PON1: variants seen among roughly 807,000 people sequenced by gnomAD.
PON1 encodes paraoxonase 1, also known as serum paraoxonase/arylesterase 1.
A neutral mutation model predicts 39.2 loss-of-function variants in PON1; 37 were observed. The observed-to-expected ratio is 0.94, with a 90% confidence interval of 0.73 to 1.24. The LOEUF (loss-of-function observed/expected upper bound fraction) is 1.24, where lower values mean the gene tolerates loss of function less well. PON1 is among the 50% of genes most tolerant of loss of function. The pLI, the probability that PON1 is intolerant of heterozygous loss-of-function variation, is 0.00. For synonymous variants in PON1, 148 were observed against 152.2 expected (o/e 0.97, Z 0.21); for missense variants, 397 against 413.5 (o/e 0.96, Z 0.35).
At position 95,297,790 on chromosome 7, in the gene PON1, TCAAAAACAAAA is replaced by T. The variant is rs1433776054; in HGVS notation, c.*1143_*1153del. On this transcript the variant is annotated 3_prime_UTR_variant, in exon 9 of 9. Coordinates refer to ENST00000222381, the MANE Select transcript of PON1 (RefSeq NM_000446.7). ...CTGGGCAACAGAGTGAGATTCGGTC[TCAAAAACAAAA>T]CAAAAACAAGAAAAAAATTTGTTTC... 2 of 152,086 alleles carry T rather than the reference TCAAAAACAAAA, an allele frequency of 1.3e-5. No individual in the cohort carries two copies. Among genetic ancestry groups the T allele is most frequent in the African/African-American group, 4.8e-5 (2 of 41,406 alleles). 9.4% of individuals were successfully genotyped at this position (152,086 alleles called of 1,614,324 possible). A position where few individuals can be genotyped will look rare whatever the true frequency, so the allele number is the denominator to read the frequency against.
chr7:95,315,553 G>C, intron 3 of PON1, 63 bp from the exon 4 acceptor site: 1 of 1,526,762 alleles, frequency 6.5e-7, no homozygotes. Context: ...TAATAGAGGC[G>C]CTGCATGGCC....
rs59744786 is a variant in PON1, at chr7:95,299,517, A to C, written c.910-415T>G. 6.7e-3 allele frequency among the ~76,000 whole-genome samples: 1,015 copies of C among 152,142 alleles called. 13 individuals are homozygous for C. Among genetic ancestry groups the C allele is most frequent in the African/African-American group, 0.023 (966 of 41,508 alleles). ...GTCTGTGAGCGTGTTGCCAAAGGAG[A>C]TTAACATTTGAGTCAGTGGGCTGCA... On this transcript the variant is annotated intron_variant, in intron 8 of 8. Transcript: ENST00000222381.
chr7:95,309,989 C>A (rs3917536), intron 5 of PON1, among the ~76,000 whole-genome samples: 6,227 of 152,100 alleles, frequency 0.041, 330 homozygotes, highest in African/African-American at 0.13. Context: ...TTGCAACTGG[C>A]TCAAGAAAAA....
At chr7:95,321,899 T>C (rs939366911) in intron 1 of PON1, among the ~76,000 whole-genome samples, 1 of 152,230 alleles carries the variant, frequency 6.6e-6, no homozygotes, top group Non-Finnish European at 1.5e-5. Flanking sequence ...ATAGTTGTCA[T>C]AGTTGTCAGT....
At chr7:95,307,056 TTTC>T (rs1216202738) in intron 6 of PON1, among the ~76,000 whole-genome samples, 3 of 138,698 alleles carry the variant, frequency 2.2e-5, no homozygotes, top group Non-Finnish European at 4.5e-5. Context: ...TCTTTCTTTC[TTTC>T]TTTTTTTTTT....
intron 1 of PON1, among the ~76,000 whole-genome samples, chr7:95,322,712 A>C (rs1290211968): frequency 6.6e-6 from 1 of 152,154 alleles, no homozygotes; most frequent in Non-Finnish European, 1.5e-5. Context: ...AGCTGTTTCT[A>C]CCATCATCCA....
At chr7:95,313,039 C>G (rs1394551108) in intron 4 of PON1, among the ~76,000 whole-genome samples, 1 of 152,166 alleles carries the variant, frequency 6.6e-6, no homozygotes, top group African/African-American at 2.4e-5. Flanking sequence ...CAGCAGTAAT[C>G]CAGCAATGTG....
chr7:95,304,499 A>C (rs1349210546), intron 7 of PON1, among the ~76,000 whole-genome samples: 2 of 151,828 alleles, frequency 1.3e-5, no homozygotes, highest in Non-Finnish European at 2.9e-5. Context: ...TGTCTGGCTA[A>C]TTTTTTGTAC....
chr7:95,300,741 G>C (rs375911686), intron 8 of PON1, among the ~76,000 whole-genome samples: 1 of 152,166 alleles, frequency 6.6e-6, no homozygotes. Flanking sequence ...AATGACCCAA[G>C]GTTACTAAAT....
intron 5 of PON1, among the ~76,000 whole-genome samples, chr7:95,308,619 C>A (rs1201435578): frequency 1.3e-5 from 2 of 152,006 alleles, no homozygotes; most frequent in East Asian, 3.9e-4. Context: ...TCACATAGAA[C>A]TAACTCCCAT....
intron 1 of PON1, among the ~76,000 whole-genome samples, chr7:95,319,861 A>T (rs1807857393): frequency 6.6e-6 from 1 of 152,200 alleles, no homozygotes. Flanking sequence ...ACACATCTGA[A>T]TCAAGCTTCA....
rs1207564400 is a variant in PON1 at position 95,322,358 on chromosome 7, A to G, written c.74+2044T>C. ...TGTGTGTGTGTGTGTGTGTATATAT[A>G]TATATATATGCTGTAATATGTATTA... is the stretch of plus-strand genomic sequence containing the variant. On this transcript the variant is annotated intron_variant, in intron 1 of 8. Coordinates refer to ENST00000222381, the MANE Select transcript of PON1 (RefSeq NM_000446.7). 9.3e-3 allele frequency among the ~76,000 whole-genome samples: 1,405 copies of G among 150,420 alleles called. 24 individuals are homozygous for G. Among genetic ancestry groups the G allele is most frequent in the African/African-American group, 0.032 (1,320 of 41,016 alleles).
chr7:95,315,574 T>C lies in PON1; in HGVS notation c.202-84A>G, dbSNP rs572612145. On this transcript the variant is annotated intron_variant, in intron 3 of 8. Transcript: ENST00000222381. Reference sequence around the variant, plus strand: ...AGGCGCTGCATGGCCCATGGGTTCATGTTGACTGCTCCAAACCACAGGGCT... The same window carrying C: ...AGGCGCTGCATGGCCCATGGGTTCACGTTGACTGCTCCAAACCACAGGGCT... 14 of 1,414,484 alleles carry C rather than the reference T, an allele frequency of 9.9e-6. No homozygotes were observed. The East Asian group carries it at 2.5e-4, about 25-fold the overall frequency. 87.6% of individuals were successfully genotyped at this position (1,414,484 alleles called of 1,614,324 possible).
Position 95,315,384 on chromosome 7 carries a change from G to T in PON1, c.308C>A (p.Thr103Asn). 1 of 1,613,560 alleles carries T rather than the reference G, an allele frequency of 6.2e-7. No individual in the cohort carries two copies. Among genetic ancestry groups the T allele is most frequent in the South Asian group, 1.1e-5 (1 of 91,068 alleles). ...EDPTVLELGITGSKFDVSSFN... is the reference protein window; with the variant it reads ...EDPTVLELGINGSKFDVSSFN... ...TGAAGATACATCAAATTTACTTCCA[G>T]TGATCCCCAATTCCAACACTGTTGG... Residue 103 changes from threonine (T) to asparagine (N), a missense_variant, in exon 4 of 9, where the codon ACT (threonine) becomes AAT (asparagine). Thr to Asn is a moderately conservative substitution (Grantham distance 65). Coordinates refer to ENST00000222381, the MANE Select transcript of PON1 (RefSeq NM_000446.7).
Position 95,308,091 on chromosome 7 carries a change from G to A in PON1, c.618C>T (p.Val206=). 1 of 1,614,042 alleles carries A rather than the reference G, an allele frequency of 6.2e-7. No individual in the cohort carries two copies. The highest frequency in any genetic ancestry group is 2.2e-5 in the East Asian group (1 of 44,862). Residue 206 remains valine, a synonymous_variant, in exon 6 of 9, where the codon GTC becomes GTT. Transcript: ENST00000222381. ...MYLGLAWSYV[V]YYSPSEVRVV... ...CTCGAACTTCACTTGGACTATAGTA[G>A]ACAACATACGACCACGCTAAACCCA...
At chr7:95,302,509 A>G (rs1023523755) in intron 7 of PON1, 176 bp from the exon 8 acceptor site, 25 of 604,918 alleles carry the variant, frequency 4.1e-5, no homozygotes, top group Non-Finnish European at 6.9e-5. Flanking sequence ...CCTTTCATCT[A>G]TGCTAGTATT....
chr7:95,323,570 G>A (rs1413636884), intron 1 of PON1, among the ~76,000 whole-genome samples: 1 of 152,082 alleles, frequency 6.6e-6, no homozygotes, highest in Non-Finnish European at 1.5e-5. Context: ...AAGCCTTAGA[G>A]ACTAGGATGA....
chr7:95,314,160 A>C (rs1412146467), intron 4 of PON1, among the ~76,000 whole-genome samples: 2 of 152,080 alleles, frequency 1.3e-5, no homozygotes, highest in Non-Finnish European at 2.9e-5. Context: ...GGAGTTCGAG[A>C]CCAGCCTGGG....
At chr7:95,315,705 T>G (rs1454288096) in intron 3 of PON1, among the ~76,000 whole-genome samples, 2 of 152,030 alleles carry the variant, frequency 1.3e-5, no homozygotes, top group Non-Finnish European at 2.9e-5. Flanking sequence ...ACACAAACCC[T>G]TTCATCCCCT....
Sources: gnomAD v4.1 joint callset for allele counts (sites outside exome capture counted in the v4.1 genomes callset) on GRCh38, gnomAD v4.1.1 for gene constraint, MANE v1.5 for transcripts, NCBI Gene and HGNC (gene_info 2026-07-23, HGNC 2026-07-21) for gene names.